The following NUP50 variants were observed in gnomAD, a reference collection of about 807,000 sequenced individuals.
NUP50 encodes nucleoporin 50, also known as nuclear pore complex protein Nup50.
NUP50 carries 14 observed loss-of-function variants against 36.8 expected under a neutral mutation model. The ratio of observed to expected loss-of-function variants is 0.38; its 90% CI spans 0.25 to 0.59. The LOEUF (loss-of-function observed/expected upper bound fraction) is 0.59. Among genes scored for constraint, NUP50 ranks in the 20% least tolerant of loss-of-function variants. The pLI, the probability that NUP50 is intolerant of heterozygous loss-of-function variation, is 0.63. For missense variants in NUP50, 455 were observed against 564.6 expected (o/e 0.81, Z 1.97); for synonymous variants, 195 against 210.8 (o/e 0.93, Z 0.65).
At chr22:45,167,530 T>G (rs2074114039) in intron 1 of NUP50, among the ~76,000 whole-genome samples, 1 of 152,160 alleles carries the variant, frequency 6.6e-6, no homozygotes, top group South Asian at 2.1e-4. Flanking sequence ...TTTGAAAGGT[T>G]ATAAGTTCCC....
intron 6 of NUP50, among the ~76,000 whole-genome samples, chr22:45,182,623 G>GTTTTTTTTTTTT (rs550478534): frequency 1.0e-4 from 10 of 95,942 alleles, no homozygotes; most frequent in African/African-American, 4.2e-4. Flanking sequence ...CTTGAGGTTT[G>GTTTTTTTTTTTT]TTTTTTTTTT....
rs757489913 is a variant in NUP50, at chr22:45,184,681, T to A, written c.*26T>A. 6.7e-7 allele frequency: 1 copy of A among 1,492,930 alleles called. No individual in the cohort carries two copies. Among genetic ancestry groups the A allele is most frequent in the Non-Finnish European group, 9.2e-7 (1 of 1,089,042 alleles). 92.5% of individuals were successfully genotyped at this position (1,492,930 alleles called of 1,614,324 possible). A position where few individuals can be genotyped will look rare whatever the true frequency, so the allele number is the denominator to read the frequency against. On this transcript the variant is annotated 3_prime_UTR_variant, in exon 8 of 8. Transcript: ENST00000347635. ...ACACGCAAAGTCGGCTGCAGAATTA[T>A]TGCCAAGTTGCTGCTGCTTCCACCG... is the stretch of plus-strand genomic sequence containing the variant.
chr22:45,165,582 C>T (rs2074083127), intron 1 of NUP50, among the ~76,000 whole-genome samples: 1 of 152,060 alleles, frequency 6.6e-6, no homozygotes, highest in Non-Finnish European at 1.5e-5. Context: ...GTTTTTTCTC[C>T]CCCCCACTTC....
chr22:45,181,875 T>A (rs971740238), intron 6 of NUP50, among the ~76,000 whole-genome samples: 2 of 152,200 alleles, frequency 1.3e-5, no homozygotes, highest in Admixed American at 6.5e-5. Flanking sequence ...CATCTTCCTT[T>A]CAATTAAATG....
intron 5 of NUP50, 94 bp from the exon 6 acceptor site, chr22:45,181,192 C>T (rs552287798): frequency 2.6e-4 from 114 of 446,146 alleles, no homozygotes; most frequent in Middle Eastern, 1.6e-3. Context: ...TGGAGTGCTC[C>T]GGTGGAGGTT....
intron 3 of NUP50, 60 bp from the exon 4 acceptor site, chr22:45,175,834 C>A: frequency 6.4e-7 from 1 of 1,565,680 alleles, no homozygotes; most frequent in East Asian, 2.2e-5. Context: ...TTGTCACTCA[C>A]TTGCTTTTTG....
rs1295298550 is a variant in NUP50, at chr22:45,187,213, C to T, written c.*2558C>T. 23 of 146,154 alleles carry T rather than the reference C, an allele frequency of 1.6e-4. No homozygotes were observed. The highest frequency in any genetic ancestry group is 5.5e-4 in the African/African-American group (22 of 39,642). 9.1% of individuals were successfully genotyped at this position (146,154 alleles called of 1,614,324 possible). A position where few individuals can be genotyped will look rare whatever the true frequency, so the allele number is the denominator to read the frequency against. On this transcript the variant is annotated 3_prime_UTR_variant, in exon 8 of 8. Coordinates refer to ENST00000347635, the MANE Select transcript of NUP50 (RefSeq NM_007172.4). Reference sequence around the variant, plus strand: ...CCTGTGTATCCATCTCATCCTTTTGCGCATTCCTAGTAAGCAAAAAAATTT... The same window carrying T: ...CCTGTGTATCCATCTCATCCTTTTGTGCATTCCTAGTAAGCAAAAAAATTT...
In NUP50 at chr22:45,185,013, A is replaced by G. The variant is rs1176283578; in HGVS notation, c.*358A>G. On this transcript the variant is annotated 3_prime_UTR_variant, in exon 8 of 8. Coordinates refer to ENST00000347635, the MANE Select transcript of NUP50 (RefSeq NM_007172.4). ...CCCGTGGGTTTTGGGGTCCACCGCC[A>G]CCACGAGAGAGGCTTTTGAACAGGT... The G allele has an allele frequency of 6.6e-6, 2 of 304,358 alleles. No homozygotes were observed. Among genetic ancestry groups the G allele is most frequent in the Non-Finnish European group, 1.3e-5 (2 of 158,972 alleles). The allele number at this position is 304,358 out of a possible 1,614,324, so 18.9% of individuals were successfully genotyped here.
intron 2 of NUP50, among the ~76,000 whole-genome samples, chr22:45,168,666 T>G (rs1320937736): frequency 2.0e-5 from 3 of 152,324 alleles, no homozygotes; most frequent in African/African-American, 7.2e-5. Context: ...CATCACCATC[T>G]TGGTCTGTGG....
Position 45,168,185 on chromosome 22 carries a change from A to G in NUP50, c.8A>G (p.Lys3Arg), listed in dbSNP as rs941077198. Residue 3 changes from lysine to arginine, a missense_variant, in exon 2 of 8, where the codon AAA (lysine) becomes AGA (arginine). Around this residue, in one of 3 missense-constraint regions of NUP50, gnomAD observed 166 missense variants for 202.8 expected, o/e 0.82. Transcript: ENST00000347635. MAKRNAEKELTDR... is the reference protein window; with the variant it reads MARRNAEKELTDR... ...TAACTTAGGTTCGAAAACATGGCCAAAAGAAATGCCGAGAAGGAACTGACA... is the reference window on the plus strand; with the variant it reads ...TAACTTAGGTTCGAAAACATGGCCAGAAGAAATGCCGAGAAGGAACTGACA... The G allele has an allele frequency of 3.1e-6, 5 of 1,610,648 alleles. No homozygotes were observed. Among genetic ancestry groups the G allele is most frequent in the Non-Finnish European group, 3.4e-6 (4 of 1,178,942 alleles).
intron 5 of NUP50, 150 bp from the exon 6 acceptor site, chr22:45,181,136 C>CTCT: frequency 1.9e-4 from 1 of 5,146 alleles, no homozygotes; most frequent in Non-Finnish European, 4.0e-4. Context: ...CTTCTGGCAT[C>CTCT]CCCCCCCCCC....
intron 7 of NUP50, 137 bp downstream of exon 7, chr22:45,183,657 A>G (rs897841355): frequency 9.1e-6 from 6 of 659,612 alleles, no homozygotes; most frequent in African/African-American, 1.8e-5. Flanking sequence ...TTACTTATTT[A>G]TAGTTTTGAG....
rs558459410 is a variant in NUP50, at chr22:45,177,850, C to T, written c.341-388C>T. On this transcript the variant is annotated intron_variant, in intron 4 of 7. Coordinates refer to ENST00000347635, the MANE Select transcript of NUP50 (RefSeq NM_007172.4). ...GTCACAAAAATAGGGCACAGTAGGT[C>T]GGGCGCAGTGGCTCACGCTTGTAAT... 12 of 187,650 alleles carry T rather than the reference C, an allele frequency of 6.4e-5. No homozygotes were observed. The East Asian group carries it at 1.1e-3, about 17-fold the overall frequency. 11.6% of individuals were successfully genotyped at this position (187,650 alleles called of 1,614,324 possible). A position where few individuals can be genotyped will look rare whatever the true frequency, so the allele number is the denominator to read the frequency against.
intron 6 of NUP50, among the ~76,000 whole-genome samples, chr22:45,182,843 C>G (rs894948674): frequency 1.3e-5 from 2 of 151,806 alleles, no homozygotes; most frequent in Non-Finnish European, 2.9e-5. Context: ...CCAGGATGGT[C>G]TCAATCTCCT....
rs778908480 is a variant in NUP50, at chr22:45,168,235, G to A, written c.58G>A (p.Glu20Lys). 1.2e-6 allele frequency: 2 copies of A among 1,609,492 alleles called. No homozygotes were observed. Among genetic ancestry groups the A allele is most frequent in the Non-Finnish European group, 1.7e-6 (2 of 1,178,538 alleles). The change falls in exon 2 of 8, where the codon GAA becomes AAA. Residue 20 changes from glutamate to lysine, a missense_variant. Coordinates refer to ENST00000347635, the MANE Select transcript of NUP50 (RefSeq NM_007172.4). Reference protein sequence around the residue: ...LTDRNWDQEDEAEEVGTFSMA... With the variant: ...LTDRNWDQEDKAEEVGTFSMA... ...AGATAGGAATTGGGATCAAGAAGAT[G>A]AAGCTGAAGAGGTAAAAAGCAGCTT...
At position 45,181,389 on chromosome 22, in the gene NUP50, T is replaced by C. The variant is rs757064721; in HGVS notation, c.1085+22T>C. ...AAAAGTAAGAATCCCCACAACCTGC[T>C]GGCGCATGTGTTTTGCAGGCATGGT... On this transcript the variant is annotated intron_variant, in intron 6 of 7. Transcript: ENST00000347635. 1.6e-5 allele frequency: 24 copies of C among 1,506,664 alleles called. No individual in the cohort carries two copies. In the Admixed American group the frequency reaches 5.1e-4, roughly 32 times the overall value. The allele number at this position is 1,506,664 out of a possible 1,614,324, so 93.3% of individuals were successfully genotyped here.
Position 45,183,289 on chromosome 22 carries a change from C to T in NUP50, c.1086-113C>T, listed in dbSNP as rs974687607. 10 of 675,714 alleles carry T rather than the reference C, an allele frequency of 1.5e-5. No homozygotes were observed. The Middle Eastern group carries it at 1.7e-3, about 117-fold the overall frequency. The allele number at this position is 675,714 out of a possible 1,614,324, so 41.9% of individuals were successfully genotyped here. A position where few individuals can be genotyped will look rare whatever the true frequency, so the allele number is the denominator to read the frequency against. On this transcript the variant is annotated intron_variant, in intron 6 of 7. Coordinates refer to ENST00000347635, the MANE Select transcript of NUP50 (RefSeq NM_007172.4). ...AATTAAAGATTTATCCTGAAGCTTCCTGTACTCATTTAATAGAGATTTTCC... is the reference window on the plus strand; with the variant it reads ...AATTAAAGATTTATCCTGAAGCTTCTTGTACTCATTTAATAGAGATTTTCC...
chr22:45,168,125 T>A (rs1185388108), intron 1 of NUP50, 43 bp from the exon 2 acceptor site: 1 of 1,405,552 alleles, frequency 7.1e-7, no homozygotes, highest in Non-Finnish European at 9.9e-7. Context: ...TATAAGAATT[T>A]ATTCTTCTAG....
rs887859316 is a variant in NUP50 at position 45,187,183 on chromosome 22, T to A, written c.*2528T>A. The A allele has an allele frequency of 8.2e-4, 47 of 57,088 alleles. No individual in the cohort carries two copies. Among genetic ancestry groups the A allele is most frequent in the Middle Eastern group, 0.012 (1 of 82 alleles). 3.5% of individuals were successfully genotyped at this position (57,088 alleles called of 1,614,324 possible). On this transcript the variant is annotated 3_prime_UTR_variant, in exon 8 of 8. Coordinates refer to ENST00000347635, the MANE Select transcript of NUP50 (RefSeq NM_007172.4). ...CCAGTGGCCTTTTTTTTTTTTTTTT[T>A]AAAACCTGTGTATCCATCTCATCCT...
Sources: allele counts gnomAD v4.1 joint callset (sites outside exome capture counted in the v4.1 genomes callset), GRCh38; gene constraint gnomAD v4.1.1; regional missense constraint gnomAD v4.1.1; transcripts MANE v1.5; gene names NCBI Gene and HGNC (gene_info 2026-07-23, HGNC 2026-07-21).